DAGLA: variants seen among roughly 807,000 people sequenced by gnomAD.
DAGLA encodes the protein diacylglycerol lipase alpha.
Under a neutral mutation model 102.6 loss-of-function variants are expected in DAGLA, and 22 were observed. The observed-to-expected ratio is 0.21, with a 90% CI of 0.15 to 0.31. The LOEUF is 0.31. Ranked by LOEUF, DAGLA falls within the 10% of genes least tolerant of loss-of-function variation. The pLI is 1.00. For synonymous variants in DAGLA, 578 were observed against 628.9 expected (o/e 0.92, Z 1.21); for missense variants, 927 against 1,446.6 (o/e 0.64, Z 5.83).
At chr11:61,696,713 C>T (rs1156370768) in intron 1 of DAGLA, among the ~76,000 whole-genome samples, 1 of 152,140 alleles carries the variant, frequency 6.6e-6, no homozygotes, top group Non-Finnish European at 1.5e-5. Context: ...GCAAGGTTTG[C>T]GTGAAGCACA....
chr11:61,743,756 G>A lies in DAGLA; in HGVS notation c.2396G>A (p.Gly799Asp). ...AGCTTCGACTCGCGCCGCTCCTCAG[G>A]CTTCCGCAGCATCCGGGGCTCCCCC... ...LYSFDSRRSS[G>D]FRSIRGSPSL... The change falls in exon 20 of 20, where the codon GGC (glycine) becomes GAC (aspartate). Residue 799 changes from glycine (G) to aspartate (D), a missense_variant. Around this residue, in one of 4 missense-constraint regions of DAGLA, gnomAD observed 434 missense variants for 503.3 expected, o/e 0.86. Coordinates refer to ENST00000257215, the MANE Select transcript of DAGLA (RefSeq NM_006133.3). 6.2e-7 allele frequency: 1 copy of A among 1,612,416 alleles called. No homozygotes were observed. The highest frequency in any genetic ancestry group is 8.5e-7 in the Non-Finnish European group (1 of 1,179,896).
intron 1 of DAGLA, among the ~76,000 whole-genome samples, chr11:61,698,509 T>C (rs550755542): frequency 6.6e-6 from 1 of 152,336 alleles, no homozygotes; most frequent in East Asian, 1.9e-4. Context: ...GAGCCACTTC[T>C]GATAGTGGGT....
intron 1 of DAGLA, among the ~76,000 whole-genome samples, chr11:61,705,922 C>T (rs1026115516): frequency 6.6e-6 from 1 of 152,246 alleles, no homozygotes; most frequent in African/African-American, 2.4e-5. Flanking sequence ...GGTGTCTTCA[C>T]ACCTGCCGAG....
Position 61,729,137 on chromosome 11 carries a change from G to C in DAGLA, c.849+129G>C, listed in dbSNP as rs1412941404. On this transcript the variant is annotated intron_variant, in intron 8 of 19. Transcript: ENST00000257215. ...ATTGCCCCTGCCCGGTCTCCCCCCG[G>C]CTCTCCAGAGAGCCTCTCTGCTCAG... The C allele has an allele frequency of 3.9e-6, 3 of 775,106 alleles. No homozygotes were observed. The African/African-American group carries it at 5.1e-5, about 13-fold the overall frequency. 48.0% of individuals were successfully genotyped at this position (775,106 alleles called of 1,614,324 possible). A position where few individuals can be genotyped will look rare whatever the true frequency, so the allele number is the denominator to read the frequency against.
Position 61,694,527 on chromosome 11 carries a change from C to T in DAGLA, c.-45+14023C>T, listed in dbSNP as rs1199412092. 1.3e-5 allele frequency among the ~76,000 whole-genome samples: 2 copies of T among 152,234 alleles called. 1 individual carries two copies. ...TTGGACCTGACATTGGCCTCACGTG[C>T]ACCCTTTGTGCCTCTGCGCCGGCTG... On this transcript the variant is annotated intron_variant, in intron 1 of 19. Coordinates refer to ENST00000257215, the MANE Select transcript of DAGLA (RefSeq NM_006133.3).
At chr11:61,721,330 G>A (rs770197286) in intron 3 of DAGLA, among the ~76,000 whole-genome samples, 2 of 152,166 alleles carry the variant, frequency 1.3e-5, no homozygotes, top group Non-Finnish European at 2.9e-5. Context: ...GGAGGCAGAG[G>A]TTGCAGTGAG....
Position 61,743,700 on chromosome 11 carries a change from G to GGA in DAGLA, c.2344_2345dup (p.Ser782ArgfsTer54). On this transcript the variant is annotated frameshift_variant, in exon 20 of 20. Transcript: ENST00000257215. LOFTEE classifies it high-confidence loss of function. ...CCCGGCGGGCACCACTGGCCACCAT[G>GGA]GAGAGCCTCTCGGACACTGAGTCCC... 6.2e-7 allele frequency: 1 copy of GGA among 1,605,256 alleles called. No homozygotes were observed. Among genetic ancestry groups the GGA allele is most frequent in the Non-Finnish European group, 8.5e-7 (1 of 1,177,234 alleles).
chr11:61,732,182 G>A (rs2065380657), intron 9 of DAGLA, among the ~76,000 whole-genome samples: 1 of 152,158 alleles, frequency 6.6e-6, no homozygotes, highest in South Asian at 2.1e-4. Flanking sequence ...AGTTCCCTGG[G>A]CTCCCGTTCT....
chr11:61,720,089 T>C (rs978235192), intron 1 of DAGLA, 23 bp from the exon 2 acceptor site: 3 of 1,552,742 alleles, frequency 1.9e-6, no homozygotes, highest in Non-Finnish European at 2.6e-6. Flanking sequence ...CAGGCAGCTA[T>C]AAGGTCCTCT....
chr11:61,745,303 C>G lies in DAGLA; in HGVS notation c.*814C>G, dbSNP rs116562556. The G allele has an allele frequency of 7.2e-5, 11 of 152,446 alleles. No homozygotes were observed. Among genetic ancestry groups the G allele is most frequent in the Non-Finnish European group, 1.5e-4 (10 of 68,118 alleles). The allele number at this position is 152,446 out of a possible 1,614,324, so 9.4% of individuals were successfully genotyped here. A position where few individuals can be genotyped will look rare whatever the true frequency, so the allele number is the denominator to read the frequency against. On this transcript the variant is annotated 3_prime_UTR_variant, in exon 20 of 20. Coordinates refer to ENST00000257215, the MANE Select transcript of DAGLA (RefSeq NM_006133.3). ...AAAGGGTGGTGGGCACTGCTGTGAC[C>G]ACCCCAGCTGCAGAGTCAGTGCCCT...
chr11:61,739,742 A>G (rs936288067), intron 17 of DAGLA, 81 bp downstream of exon 17: 14 of 1,418,398 alleles, frequency 9.9e-6, no homozygotes, highest in South Asian at 5.2e-5. Flanking sequence ...CCTTGGCTCA[A>G]TCACCGCTCG....
Position 61,728,926 on chromosome 11 carries a change from T to C in DAGLA, c.772-5T>C. ...ATTGTCCTTCTTCACCTGCCGGTCT[T>C]ACAGGCAAACAATGACATCTTGGCC... is the stretch of plus-strand genomic sequence containing the variant. On this transcript the variant is annotated splice_polypyrimidine_tract_variant and splice_region_variant and intron_variant, in intron 7 of 19. Coordinates refer to ENST00000257215, the MANE Select transcript of DAGLA (RefSeq NM_006133.3). 1 of 1,613,510 alleles carries C rather than the reference T, an allele frequency of 6.2e-7. No individual in the cohort carries two copies. The highest frequency in any genetic ancestry group is 8.5e-7 in the Non-Finnish European group (1 of 1,179,352).
At chr11:61,722,786 A>G in intron 3 of DAGLA, 73 bp from the exon 4 acceptor site, 1 of 1,322,958 alleles carries the variant, frequency 7.6e-7, no homozygotes, top group South Asian at 1.2e-5. Flanking sequence ...AGGAAAGGCC[A>G]GGCCGGGGTT....
chr11:61,701,995 C>CA (rs2065113343), intron 1 of DAGLA, among the ~76,000 whole-genome samples: 1 of 151,998 alleles, frequency 6.6e-6, no homozygotes, highest in South Asian at 2.1e-4. Context: ...AAACTATTCT[C>CA]AAACTCCTGG....
intron 1 of DAGLA, among the ~76,000 whole-genome samples, chr11:61,704,339 C>T (rs1003478242): frequency 3.9e-5 from 6 of 152,074 alleles, no homozygotes; most frequent in Admixed American, 6.6e-5. Context: ...AGGCTGGTCT[C>T]GAACTCCTGA....
At chr11:61,687,906 G>T (rs2064998092) in intron 1 of DAGLA, among the ~76,000 whole-genome samples, 1 of 152,114 alleles carries the variant, frequency 6.6e-6, no homozygotes, top group Non-Finnish European at 1.5e-5. Flanking sequence ...CTTTTCTTTT[G>T]TTAGCCTCAG....
chr11:61,723,213 G>A (rs1478707968), intron 4 of DAGLA, among the ~76,000 whole-genome samples: 1 of 152,188 alleles, frequency 6.6e-6, no homozygotes, highest in East Asian at 1.9e-4. Flanking sequence ...GAAACCCACA[G>A]AGCTGCCTGC....
At chr11:61,692,573 C>T (rs1313485804) in intron 1 of DAGLA, among the ~76,000 whole-genome samples, 2 of 152,110 alleles carry the variant, frequency 1.3e-5, no homozygotes, top group African/African-American at 4.8e-5. Flanking sequence ...AGAATCCCCG[C>T]TCCCCACTCC....
chr11:61,704,484 G>A (rs1207235134), intron 1 of DAGLA, among the ~76,000 whole-genome samples: 1 of 152,106 alleles, frequency 6.6e-6, no homozygotes, highest in Admixed American at 6.5e-5. Context: ...AATACTTTTA[G>A]GTTTTATGGG....
Sources: allele counts gnomAD v4.1 joint callset (sites outside exome capture counted in the v4.1 genomes callset), GRCh38; gene constraint gnomAD v4.1.1; regional missense constraint gnomAD v4.1.1; transcripts MANE v1.5; gene names NCBI Gene and HGNC (gene_info 2026-07-23, HGNC 2026-07-21).